Variants in CDH12 observed in about 807,000 individuals in gnomAD.
The protein encoded by CDH12 is cadherin 12, also known as cadherin-12.
In CDH12, 41 loss-of-function variants were observed where a neutral mutation model predicts 74.1. The ratio of observed to expected loss-of-function variants is 0.55; its 90% CI spans 0.43 to 0.72. The LOEUF (loss-of-function observed/expected upper bound fraction) is 0.72, where lower values mean the gene tolerates loss of function less well. Ranked by LOEUF, CDH12 falls within the 30% of genes least tolerant of loss-of-function variation. The pLI, the probability that CDH12 is intolerant of heterozygous loss-of-function variation, is 0.00. For synonymous variants in CDH12, 399 were observed against 355.0 expected (o/e 1.12, Z -1.39); for missense variants, 945 against 977.2 (o/e 0.97, Z 0.44).
chr5:22,784,687 G>T (rs566395154), intron 1 of CDH12, among the ~76,000 whole-genome samples: 66 of 152,120 alleles, frequency 4.3e-4, no homozygotes, highest in African/African-American at 1.6e-3. Flanking sequence ...GCCTGGTCCC[G>T]TTATAAACTC....
intron 2 of CDH12, among the ~76,000 whole-genome samples, chr5:22,476,263 A>T (rs546158000): frequency 3.3e-5 from 5 of 152,220 alleles, no homozygotes; most frequent in Admixed American, 2.6e-4. Context: ...CTGAATTTTT[A>T]AAATTGTAGC....
At chr5:22,475,229 G>A (rs1746119774) in intron 2 of CDH12, among the ~76,000 whole-genome samples, 1 of 151,598 alleles carries the variant, frequency 6.6e-6, no homozygotes. Context: ...TGGGTGAAAT[G>A]ATCTAGAATG....
At chr5:22,047,529 C>G (rs565682580) in intron 5 of CDH12, among the ~76,000 whole-genome samples, 9 of 151,718 alleles carry the variant, frequency 5.9e-5, no homozygotes, top group East Asian at 1.9e-4. Flanking sequence ...AGTAAACACC[C>G]CCCCCCACAT....
At chr5:22,823,273 A>G (rs1749815065) in intron 1 of CDH12, among the ~76,000 whole-genome samples, 1 of 151,710 alleles carries the variant, frequency 6.6e-6, no homozygotes, top group South Asian at 2.1e-4. Flanking sequence ...TAGGAGTTAC[A>G]CCTAATGCTA....
At chr5:21,927,841 A>C (rs1040368930) in intron 6 of CDH12, among the ~76,000 whole-genome samples, 16 of 152,030 alleles carry the variant, frequency 1.1e-4, no homozygotes, top group African/African-American at 3.6e-4. Context: ...AGGCCGAGGC[A>C]AGCGGATCGT....
chr5:21,770,618 C>CAAAA (rs33944200), intron 11 of CDH12, among the ~76,000 whole-genome samples: 1 of 84,018 alleles, frequency 1.2e-5, no homozygotes, highest in Non-Finnish European at 2.7e-5. Flanking sequence ...AAGTCCATCT[C>CAAAA]AAAAAAAAAA....
intron 1 of CDH12, among the ~76,000 whole-genome samples, chr5:22,829,017 A>T (rs1468503860): frequency 2.0e-5 from 3 of 152,178 alleles, no homozygotes; most frequent in Non-Finnish European, 4.4e-5. Flanking sequence ...ATTTTTCTGA[A>T]GGTCAAAGTG....
At chr5:21,979,892 C>T (rs932231395) in intron 5 of CDH12, among the ~76,000 whole-genome samples, 2 of 151,806 alleles carry the variant, frequency 1.3e-5, no homozygotes, top group Admixed American at 1.3e-4. Flanking sequence ...AACTAGTTTA[C>T]AGTCCCACCA....
intron 4 of CDH12, among the ~76,000 whole-genome samples, chr5:22,125,700 T>C (rs1380149538): frequency 1.3e-5 from 2 of 152,156 alleles, no homozygotes; most frequent in African/African-American, 4.8e-5. Context: ...TGGATTCATA[T>C]TGAGCAAGTG....
intron 1 of CDH12, among the ~76,000 whole-genome samples, chr5:22,751,632 TG>T (rs1387601163): frequency 5.9e-5 from 9 of 152,094 alleles, no homozygotes; most frequent in African/African-American, 1.9e-4. Context: ...AGGAGGTGTT[TG>T]TAAAAAGTTC....
At chr5:21,933,279 C>A (rs997916455) in intron 6 of CDH12, among the ~76,000 whole-genome samples, 1 of 151,722 alleles carries the variant, frequency 6.6e-6, no homozygotes, top group Non-Finnish European at 1.5e-5. Flanking sequence ...CTTTTTTATA[C>A]GTTGAAATTA....
chr5:22,246,601 A>G (rs574770518), intron 3 of CDH12, among the ~76,000 whole-genome samples: 5 of 152,270 alleles, frequency 3.3e-5, no homozygotes, highest in Non-Finnish European at 5.9e-5. Flanking sequence ...AAACAAAGAA[A>G]TTCTAAAGAT....
intron 7 of CDH12, among the ~76,000 whole-genome samples, chr5:21,847,244 G>A (rs186722369): frequency 6.6e-6 from 1 of 152,030 alleles, no homozygotes; most frequent in Admixed American, 6.6e-5. Context: ...TTCTTTCCAA[G>A]GGATGCTTAT....
At chr5:22,628,009 T>A (rs1738388576) in intron 1 of CDH12, among the ~76,000 whole-genome samples, 1 of 151,764 alleles carries the variant, frequency 6.6e-6, no homozygotes, top group African/African-American at 2.4e-5. Context: ...CAAAGAAGGG[T>A]ATTACATAAT....
At chr5:22,345,384 G>A (rs1313237412) in intron 3 of CDH12, among the ~76,000 whole-genome samples, 1 of 152,002 alleles carries the variant, frequency 6.6e-6, no homozygotes, top group African/African-American at 2.4e-5. Context: ...CTCTTGAAGT[G>A]TATACCTTGT....
At chr5:22,745,017 T>C (rs949874023) in intron 1 of CDH12, among the ~76,000 whole-genome samples, 4 of 150,994 alleles carry the variant, frequency 2.6e-5, no homozygotes, top group Non-Finnish European at 5.9e-5. Flanking sequence ...TAGCTAAATA[T>C]ATTTATATAT....
intron 1 of CDH12, among the ~76,000 whole-genome samples, chr5:22,512,492 G>C (rs1196226377): frequency 1.3e-5 from 2 of 152,072 alleles, no homozygotes; most frequent in Admixed American, 6.6e-5. Flanking sequence ...ACTAGTTTGG[G>C]GTAAGTACAG....
intron 3 of CDH12, among the ~76,000 whole-genome samples, chr5:22,301,938 G>A (rs113492578): frequency 0.029 from 4,377 of 151,478 alleles, 94 homozygotes; most frequent in South Asian, 0.094. Flanking sequence ...CAAATTGCTA[G>A]GATTACAGGT....
At chr5:22,333,412 T>C (rs1739430389) in intron 3 of CDH12, among the ~76,000 whole-genome samples, 1 of 151,942 alleles carries the variant, frequency 6.6e-6, no homozygotes, top group South Asian at 2.1e-4. Context: ...CAGCAAACTA[T>C]CATGACACAC....
Sources: allele counts gnomAD v4.1 joint callset (sites outside exome capture counted in the v4.1 genomes callset), GRCh38; gene constraint gnomAD v4.1.1; transcripts MANE v1.5; gene names NCBI Gene and HGNC (gene_info 2026-07-23, HGNC 2026-07-21).